The following MAMDC2 variants were observed in gnomAD, a reference collection of about 807,000 sequenced individuals.
The protein encoded by MAMDC2 is MAM domain-containing protein 2.
MAMDC2 carries 57 observed loss-of-function variants against 89.8 expected under a neutral mutation model. That is an observed-to-expected ratio of 0.63 (90% confidence interval 0.51 to 0.79). The LOEUF (loss-of-function observed/expected upper bound fraction) is 0.79. Ranked by LOEUF, MAMDC2 falls within the 30% of genes least tolerant of loss-of-function variation. The pLI is 0.00. For missense variants in MAMDC2, 800 were observed against 820.6 expected, an observed-to-expected ratio of 0.97 and a Z score of 0.31; for synonymous variants, 313 against 293.4, an observed-to-expected ratio of 1.07 and a Z score of -0.68.
At chr9:70,061,639 C>G (rs552504125) in intron 2 of MAMDC2, among the ~76,000 whole-genome samples, 6 of 152,176 alleles carry the variant, frequency 3.9e-5, no homozygotes, top group African/African-American at 1.4e-4. Context: ...ATCAAATGAT[C>G]AAGATAAATA....
At chr9:70,177,565 C>T (rs1330731055) in intron 11 of MAMDC2, among the ~76,000 whole-genome samples, 1 of 152,146 alleles carries the variant, frequency 6.6e-6, no homozygotes. Context: ...CACGTGTAGG[C>T]ACTGCGCTAG....
intron 2 of MAMDC2, among the ~76,000 whole-genome samples, chr9:70,051,037 A>G (rs969210860): frequency 2.6e-4 from 40 of 152,170 alleles, no homozygotes; most frequent in Admixed American, 1.2e-3. Context: ...AATTGGCTCC[A>G]TTAGTGATGG....
chr9:70,160,592 G>A (rs762405603), intron 9 of MAMDC2, among the ~76,000 whole-genome samples: 1 of 152,198 alleles, frequency 6.6e-6, no homozygotes. Flanking sequence ...TGCAAGTGAA[G>A]ATAAGGGTGT....
intron 11 of MAMDC2, among the ~76,000 whole-genome samples, chr9:70,204,975 C>G (rs893840575): frequency 6.6e-6 from 1 of 152,216 alleles, no homozygotes; most frequent in African/African-American, 2.4e-5. Context: ...TAGTGAGATG[C>G]ACCCGGTACC....
chr9:70,181,722 C>G (rs1587549814), intron 11 of MAMDC2, among the ~76,000 whole-genome samples: 1 of 152,242 alleles, frequency 6.6e-6, no homozygotes, highest in East Asian at 1.9e-4. Flanking sequence ...AGAGACTTTG[C>G]TGAAGTTGAT....
At chr9:70,116,232 G>A (rs1053776471) in intron 5 of MAMDC2, among the ~76,000 whole-genome samples, 15 of 152,176 alleles carry the variant, frequency 9.9e-5, no homozygotes, top group African/African-American at 3.6e-4. Context: ...AGCTGGCTGG[G>A]GAGAACATAT....
At chr9:70,195,763 CA>C (rs2032963600) in intron 11 of MAMDC2, among the ~76,000 whole-genome samples, 1 of 152,074 alleles carries the variant, frequency 6.6e-6, no homozygotes, top group Non-Finnish European at 1.5e-5. Context: ...GCCCAAAGCA[CA>C]AGCATAGTGT....
Position 70,108,776 on chromosome 9 carries a change from G to T in MAMDC2, c.420+294G>T, listed in dbSNP as rs57888162. ...AAAATAGATTTTCTATGGCTTTAGGGAGTATTCTCATTTCTATAATTTTAT... is the reference window on the plus strand; with the variant it reads ...AAAATAGATTTTCTATGGCTTTAGGTAGTATTCTCATTTCTATAATTTTAT... On this transcript the variant is annotated intron_variant, in intron 3 of 13. Transcript: ENST00000377182. 0.022 allele frequency among the ~76,000 whole-genome samples: 3,399 copies of T among 152,276 alleles called. 52 individuals carry two copies. The highest frequency in any genetic ancestry group is 0.075 in the South Asian group (362 of 4,810).
At chr9:70,170,009 A>G (rs2032283716) in intron 10 of MAMDC2, 1 of 153,692 alleles carries the variant, frequency 6.5e-6, no homozygotes. Flanking sequence ...CCACACAGCT[A>G]TGCCTCCAGG....
In MAMDC2 at chr9:70,126,225, C is replaced by G; in HGVS notation, c.710C>G (p.Pro237Arg). 1 of 1,614,116 alleles carries G rather than the reference C, an allele frequency of 6.2e-7. No homozygotes were observed. Reference protein sequence around the residue: ...HFQEVAQLISPLTTAPMAGCL... With the variant: ...HFQEVAQLISRLTTAPMAGCL... ...CAGGAGGTGGCACAGCTCATCTCCC[C>G]GTTGACCACGGCCCCCATGGCTGGC... Residue 237 changes from proline (P) to arginine (R), a missense_variant, in exon 6 of 14, where the codon CCG becomes CGG. By Grantham distance (103) the Pro-to-Arg change is moderately radical. Coordinates refer to ENST00000377182, the MANE Select transcript of MAMDC2 (RefSeq NM_153267.5).
intron 2 of MAMDC2, among the ~76,000 whole-genome samples, chr9:70,096,633 G>T (rs551157674): frequency 3.2e-4 from 49 of 152,150 alleles, no homozygotes; most frequent in Non-Finnish European, 6.6e-4. Context: ...ATCAAATTGG[G>T]GTTCTGTAAT....
intron 2 of MAMDC2, chr9:70,062,636 G>A (rs1039442869): frequency 2.0e-5 from 3 of 152,192 alleles, no homozygotes; most frequent in African/African-American, 7.2e-5. Flanking sequence ...TTAGAGACAA[G>A]AAAAGCCCTC....
In MAMDC2 at chr9:70,147,013, C is replaced by T. The variant is rs930488836; in HGVS notation, c.1404+3194C>T. Among the ~76,000 whole-genome samples the T allele has an allele frequency of 1.5e-4, 22 of 147,878 alleles. 1 individual carries two copies. The highest frequency in any genetic ancestry group is 5.5e-4 in the African/African-American group (22 of 39,744). On this transcript the variant is annotated intron_variant, in intron 9 of 13. Coordinates refer to ENST00000377182, the MANE Select transcript of MAMDC2 (RefSeq NM_153267.5). ...GCTCACGCCTGTAATCCTAGCACTT[C>T]GGAAGGCCAAGGCAGGCATATCACC...
In MAMDC2 at chr9:70,077,035, C is replaced by T. The variant is rs557020552; in HGVS notation, c.149-31176C>T. Among the ~76,000 whole-genome samples, 3 of 152,260 alleles carry T rather than the reference C, an allele frequency of 2.0e-5. No homozygotes were observed. The South Asian group carries it at 6.2e-4, about 32-fold the overall frequency. On this transcript the variant is annotated intron_variant, in intron 2 of 13. Coordinates refer to ENST00000377182, the MANE Select transcript of MAMDC2 (RefSeq NM_153267.5). The stretch of plus-strand genomic sequence containing the variant: ...CTTTTTCTTTACTTAAATAATATGT[C>T]AGCATCAGGAAGTAGTTTAAATAAT...
chr9:70,056,866 G>A (rs780557904), intron 2 of MAMDC2, among the ~76,000 whole-genome samples: 3 of 152,106 alleles, frequency 2.0e-5, no homozygotes, highest in Admixed American at 6.5e-5. Flanking sequence ...GGAACCCTAC[G>A]TAATTTGCAC....
intron 2 of MAMDC2, among the ~76,000 whole-genome samples, chr9:70,107,190 T>A (rs1297096590): frequency 6.6e-6 from 1 of 151,866 alleles, no homozygotes; most frequent in Non-Finnish European, 1.5e-5. Context: ...ATCATTGACA[T>A]AGGAAACCAG....
intron 12 of MAMDC2, among the ~76,000 whole-genome samples, chr9:70,219,910 C>T (rs79551211): frequency 0.073 from 11,093 of 152,244 alleles, 592 homozygotes; most frequent in East Asian, 0.22. Flanking sequence ...GTACCAGCAG[C>T]ATCAGCAATA....
intron 2 of MAMDC2, chr9:70,071,687 A>G (rs1827413874): frequency 6.6e-6 from 1 of 152,214 alleles, no homozygotes; most frequent in Non-Finnish European, 1.5e-5. Flanking sequence ...AGTGGTTGAA[A>G]GCATTTCCAT....
At chr9:70,136,570 A>C (rs1188691189) in intron 7 of MAMDC2, among the ~76,000 whole-genome samples, 2 of 152,106 alleles carry the variant, frequency 1.3e-5, no homozygotes, top group Non-Finnish European at 2.9e-5. Flanking sequence ...ATTCTCTTGC[A>C]GTCGCCCAAG....
Sources: gnomAD v4.1 joint callset for allele counts (sites outside exome capture counted in the v4.1 genomes callset) on GRCh38, gnomAD v4.1.1 for gene constraint, MANE v1.5 for transcripts, NCBI Gene and HGNC (gene_info 2026-07-23, HGNC 2026-07-21) for gene names.